The following PIGN variants were observed in gnomAD, a reference collection of about 807,000 sequenced individuals.
PIGN encodes GPI ethanolamine phosphate transferase 1.
PIGN carries 117 observed loss-of-function variants against 125.4 expected under a neutral mutation model. The ratio of observed to expected loss-of-function variants is 0.93; its 90% CI spans 0.80 to 1.09. PIGN has a LOEUF of 1.09. PIGN is among the 50% of genes least tolerant of loss of function. The pLI, the probability that PIGN is intolerant of heterozygous loss-of-function variation, is 0.00. For synonymous variants in PIGN, 392 were observed against 377.8 expected (o/e 1.04, Z -0.44); for missense variants, 1,075 against 1,094.9 (o/e 0.98, Z 0.26).
rs150996493 is a variant in PIGN, at chr18:62,158,224, C to T, written c.222-416G>A. 6.0e-4 allele frequency among the ~76,000 whole-genome samples: 91 copies of T among 152,048 alleles called. 1 individual carries two copies. The East Asian group carries it at 0.017, about 28-fold the overall frequency. Reference sequence around the variant, plus strand: ...TGTTTGGGGTAAAGTTTCTTGCTTTCGAATTGTTAAGGAAAAAATAATTAT... The same window carrying T: ...TGTTTGGGGTAAAGTTTCTTGCTTTTGAATTGTTAAGGAAAAAATAATTAT... On this transcript the variant is annotated intron_variant, in intron 4 of 30. Coordinates refer to ENST00000640252, the MANE Select transcript of PIGN (RefSeq NM_176787.5).
At chr18:62,080,289 T>C (rs1258871394) in intron 28 of PIGN, among the ~76,000 whole-genome samples, 1 of 152,210 alleles carries the variant, frequency 6.6e-6, no homozygotes, top group African/African-American at 2.4e-5. Flanking sequence ...CTTGTTTCTC[T>C]TTCTCAGCGG....
chr18:62,118,331 G>A (rs2035165529), intron 14 of PIGN, among the ~76,000 whole-genome samples: 1 of 151,860 alleles, frequency 6.6e-6, no homozygotes, highest in East Asian at 1.9e-4. Context: ...TTCTGGTTAT[G>A]CCAGAGAAGC....
chr18:62,122,572 T>G (rs1009367150), intron 14 of PIGN, among the ~76,000 whole-genome samples: 5 of 152,046 alleles, frequency 3.3e-5, no homozygotes, highest in Admixed American at 6.5e-5. Context: ...GGGTTGAAAA[T>G]TAACTTTCCC....
intron 14 of PIGN, among the ~76,000 whole-genome samples, chr18:62,133,868 C>T (rs542640542): frequency 6.6e-6 from 1 of 152,234 alleles, no homozygotes; most frequent in Non-Finnish European, 1.5e-5. Flanking sequence ...CATAATAACT[C>T]TTTTTCATTT....
chr18:62,074,693 G>T lies in PIGN; in HGVS notation c.2619+86C>A. 3.8e-6 allele frequency: 3 copies of T among 787,246 alleles called. No homozygotes were observed. In the South Asian group the frequency reaches 5.4e-5, roughly 14 times the overall value. The allele number at this position is 787,246 out of a possible 1,614,324, so 48.8% of individuals were successfully genotyped here. A position where few individuals can be genotyped will look rare whatever the true frequency, so the allele number is the denominator to read the frequency against. ...ACAACTCAACATCTAAAGATTTCACGTACCAAAATGCATTCATATTTCTCT... is the reference window on the plus strand; with the variant it reads ...ACAACTCAACATCTAAAGATTTCACTTACCAAAATGCATTCATATTTCTCT... On this transcript the variant is annotated intron_variant, in intron 29 of 30. Coordinates refer to ENST00000640252, the MANE Select transcript of PIGN (RefSeq NM_176787.5).
intron 1 of PIGN, among the ~76,000 whole-genome samples, chr18:62,172,284 T>A (rs1194142138): frequency 1.3e-5 from 2 of 152,164 alleles, no homozygotes; most frequent in Non-Finnish European, 2.9e-5. Flanking sequence ...TATCCCTTTT[T>A]CCTGTCCTGC....
chr18:62,105,792 C>T (rs2034616482), intron 19 of PIGN, among the ~76,000 whole-genome samples, 158 bp from the exon 20 acceptor site: 1 of 152,156 alleles, frequency 6.6e-6, no homozygotes, highest in Non-Finnish European at 1.5e-5. Flanking sequence ...GAATCAACAG[C>T]TAACTACTTT....
At chr18:62,026,044 T>C (rs2030114431) in intron 23 of PIGN, among the ~76,000 whole-genome samples, 1 of 152,194 alleles carries the variant, frequency 6.6e-6, no homozygotes, top group Admixed American at 6.5e-5. Context: ...GTGTCCCTCC[T>C]GAGCCTCCAT....
At chr18:62,049,494 A>C (rs1342406333) in intron 30 of PIGN, among the ~76,000 whole-genome samples, 1 of 151,972 alleles carries the variant, frequency 6.6e-6, no homozygotes, top group African/African-American at 2.4e-5. Flanking sequence ...GGCTGCATAA[A>C]TGTCTTCTTT....
intron 4 of PIGN, among the ~76,000 whole-genome samples, chr18:62,158,568 A>G (rs775429024): frequency 6.6e-6 from 1 of 152,240 alleles, no homozygotes; most frequent in African/African-American, 2.4e-5. Flanking sequence ...TGGGGAAGAA[A>G]GCAAAACTAC....
At position 62,062,882 on chromosome 18, in the gene PIGN, C is replaced by CTTTTTTTTT. The variant is rs71160811; in HGVS notation, c.2672+9782_2672+9790dup. Among the ~76,000 whole-genome samples, 31 of 21,072 alleles carry CTTTTTTTTT rather than the reference C, an allele frequency of 1.5e-3. 2 individuals are homozygous for CTTTTTTTTT. The highest frequency in any genetic ancestry group is 2.9e-3 in the African/African-American group (12 of 4,112). 13.8% of individuals were successfully genotyped at this position (21,072 alleles called of 152,430 possible). On this transcript the variant is annotated intron_variant, in intron 30 of 30. Coordinates refer to ENST00000640252, the MANE Select transcript of PIGN (RefSeq NM_176787.5). ...ATTTGTTTTATGCTTTTGTATTCTG[C>CTTTTTTTTT]TTTTTTTTTTTTTTTTTTTTTTTTT... is the stretch of plus-strand genomic sequence containing the variant.
chr18:62,074,593 A>G (rs2033070518), intron 29 of PIGN, among the ~76,000 whole-genome samples, 186 bp downstream of exon 29: 1 of 152,228 alleles, frequency 6.6e-6, no homozygotes, highest in Non-Finnish European at 1.5e-5. Context: ...GACTTTTGAC[A>G]CCTGAAGAAG....
At chr18:62,023,722 G>T (rs11876291) in intron 23 of PIGN, among the ~76,000 whole-genome samples, 3,269 of 152,236 alleles carry the variant, frequency 0.021, 113 homozygotes, top group African/African-American at 0.073. Context: ...GTGATGAAAT[G>T]TCACATGGGA....
chr18:62,071,898 A>G (rs1260281395), intron 30 of PIGN, among the ~76,000 whole-genome samples: 1 of 120,288 alleles, frequency 8.3e-6, no homozygotes, highest in African/African-American at 3.6e-5. Context: ...ATATATATAT[A>G]TATATATATA....
At chr18:62,172,872 T>TA (rs1294233863) in intron 1 of PIGN, among the ~76,000 whole-genome samples, 1 of 152,202 alleles carries the variant, frequency 6.6e-6, no homozygotes, top group Admixed American at 6.5e-5. Context: ...AAGCCACTGT[T>TA]ACTGTTTCCT....
chr18:62,182,784 T>C (rs960437251), intron 1 of PIGN, among the ~76,000 whole-genome samples: 6 of 152,072 alleles, frequency 3.9e-5, no homozygotes, highest in East Asian at 1.9e-4. Context: ...AAAGACACGT[T>C]TGCAACAACA....
chr18:62,058,228 TAAA>T (rs1014695491), intron 30 of PIGN, among the ~76,000 whole-genome samples: 1 of 152,278 alleles, frequency 6.6e-6, no homozygotes, highest in Admixed American at 6.5e-5. Context: ...CTCTTGATGT[TAAA>T]TGTTACTTTG....
At chr18:62,132,127 T>C (rs1017531024) in intron 14 of PIGN, among the ~76,000 whole-genome samples, 2 of 152,214 alleles carry the variant, frequency 1.3e-5, no homozygotes, top group Non-Finnish European at 2.9e-5. Context: ...TGATCTTTTA[T>C]GTTTATAGGC....
chr18:62,157,546 T>C (rs2147524884), intron 5 of PIGN, 141 bp downstream of exon 5: 3 of 762,894 alleles, frequency 3.9e-6, no homozygotes, highest in East Asian at 2.7e-5. Context: ...CCAGTGGGTA[T>C]TCATGTCAGC....
Sources: gnomAD v4.1 joint callset for allele counts (sites outside exome capture counted in the v4.1 genomes callset) on GRCh38, gnomAD v4.1.1 for gene constraint, MANE v1.5 for transcripts, NCBI Gene and HGNC (gene_info 2026-07-23, HGNC 2026-07-21) for gene names.